Variants in SPATS2 observed in about 807,000 individuals in gnomAD.
SPATS2 encodes spermatogenesis-associated serine-rich protein 2.
Under a neutral mutation model 63.7 loss-of-function variants are expected in SPATS2, and 38 were observed. The observed-to-expected ratio is 0.60, with a 90% CI of 0.46 to 0.78. SPATS2 has a LOEUF of 0.78. Among genes scored for constraint, SPATS2 ranks in the 30% least tolerant of loss-of-function variants. The probability of loss-of-function intolerance (pLI) is 0.00; values close to 1 mark genes in which losing one functional copy is unlikely to be tolerated. For missense variants in SPATS2, 588 were observed against 666.2 expected (o/e 0.88, Z 1.29); for synonymous variants, 207 against 232.9 (o/e 0.89, Z 1.01).
chr12:49,483,771 G>GT (rs1946245292), intron 3 of SPATS2, among the ~76,000 whole-genome samples: 1 of 149,792 alleles, frequency 6.7e-6, no homozygotes, highest in South Asian at 2.1e-4. Context: ...CAGTAATATT[G>GT]TTATCACCTG....
intron 2 of SPATS2, among the ~76,000 whole-genome samples, chr12:49,414,277 C>T (rs1742526792): frequency 1.3e-5 from 2 of 152,114 alleles, no homozygotes; most frequent in Admixed American, 6.5e-5. Flanking sequence ...ACATGTAGAG[C>T]TTAGGTTTCC....
chr12:49,520,687 T>C (rs1160099302), intron 11 of SPATS2, among the ~76,000 whole-genome samples: 1 of 152,212 alleles, frequency 6.6e-6, no homozygotes, highest in Non-Finnish European at 1.5e-5. Flanking sequence ...TTATAATCTA[T>C]TTATAACAAT....
At chr12:49,395,439 T>A (rs1944492060) in intron 2 of SPATS2, among the ~76,000 whole-genome samples, 1 of 151,978 alleles carries the variant, frequency 6.6e-6, no homozygotes, top group Admixed American at 6.6e-5. Context: ...TTTTTTTTTT[T>A]TTTGAGACAG....
chr12:49,426,726 G>T (rs1945083327), intron 2 of SPATS2, among the ~76,000 whole-genome samples: 1 of 152,068 alleles, frequency 6.6e-6, no homozygotes, highest in Admixed American at 6.6e-5. Context: ...TGTATTTTTA[G>T]TACAGACGGG....
At chr12:49,411,952 T>G (rs1344173770) in intron 2 of SPATS2, among the ~76,000 whole-genome samples, 1 of 152,178 alleles carries the variant, frequency 6.6e-6, no homozygotes, top group Non-Finnish European at 1.5e-5. Flanking sequence ...CTAAGAGAGC[T>G]AGAACATTAA....
chr12:49,381,249 T>A (rs1195731705), intron 2 of SPATS2, among the ~76,000 whole-genome samples: 1 of 152,230 alleles, frequency 6.6e-6, no homozygotes, highest in Non-Finnish European at 1.5e-5. Flanking sequence ...GTCTTTTTGT[T>A]GAGTTATAAC....
intron 9 of SPATS2, among the ~76,000 whole-genome samples, chr12:49,504,594 A>C (rs1285548683): frequency 6.6e-6 from 1 of 152,140 alleles, no homozygotes; most frequent in Non-Finnish European, 1.5e-5. Context: ...TGAAAGTCAA[A>C]AGGTATTTTT....
At chr12:49,485,818 G>A (rs1482679492) in intron 4 of SPATS2, among the ~76,000 whole-genome samples, 1 of 143,666 alleles carries the variant, frequency 7.0e-6, no homozygotes, top group Non-Finnish European at 1.5e-5. Flanking sequence ...GGAGTGCAGT[G>A]ACGCAGTCTC....
chr12:49,434,979 T>C (rs1945247667), intron 2 of SPATS2, among the ~76,000 whole-genome samples: 2 of 151,822 alleles, frequency 1.3e-5, no homozygotes, highest in African/African-American at 4.8e-5. Context: ...AATATAGTAT[T>C]ACATACATTT....
At chr12:49,486,183 C>T in intron 4 of SPATS2, 2 of 448,796 alleles carry the variant, frequency 4.5e-6, no homozygotes, top group South Asian at 1.6e-5. Flanking sequence ...AGTTTGGTGC[C>T]TTTTGTTGTT....
At chr12:49,474,725 C>A (rs781337894) in intron 3 of SPATS2, among the ~76,000 whole-genome samples, 11 of 152,084 alleles carry the variant, frequency 7.2e-5, no homozygotes, top group Non-Finnish European at 1.5e-4. Flanking sequence ...CTATCACTGG[C>A]AGAATAGATA....
chr12:49,427,812 ATGTC>A (rs1945107399), intron 2 of SPATS2, among the ~76,000 whole-genome samples: 1 of 152,148 alleles, frequency 6.6e-6, no homozygotes, highest in South Asian at 2.1e-4. Context: ...TATAATTTTA[ATGTC>A]TGTAAGATCT....
At chr12:49,418,114 T>G (rs1170631939) in intron 2 of SPATS2, among the ~76,000 whole-genome samples, 1 of 139,284 alleles carries the variant, frequency 7.2e-6, no homozygotes, top group Non-Finnish European at 1.5e-5. Flanking sequence ...CTCAGTTTTT[T>G]TTTTTTTTTT....
intron 3 of SPATS2, among the ~76,000 whole-genome samples, chr12:49,465,216 T>A (rs1945891293): frequency 6.6e-6 from 1 of 152,226 alleles, no homozygotes. Flanking sequence ...GCATTTCTCT[T>A]GTGGAGGTAC....
At chr12:49,516,229 T>G (rs1946849158) in intron 10 of SPATS2, among the ~76,000 whole-genome samples, 1 of 126,218 alleles carries the variant, frequency 7.9e-6, no homozygotes, top group South Asian at 2.8e-4. Context: ...TGGGGTCATG[T>G]GCTACATGTA....
At chr12:49,394,773 A>C (rs888401303) in intron 2 of SPATS2, among the ~76,000 whole-genome samples, 3 of 152,122 alleles carry the variant, frequency 2.0e-5, no homozygotes, top group Non-Finnish European at 2.9e-5. Context: ...GTCATCTATG[A>C]ATAAAGACAA....
At chr12:49,440,207 T>C (rs984824832) in intron 2 of SPATS2, among the ~76,000 whole-genome samples, 2 of 152,202 alleles carry the variant, frequency 1.3e-5, no homozygotes, top group Non-Finnish European at 2.9e-5. Context: ...TATTGCAGCA[T>C]GTATTTCCTA....
In SPATS2 at chr12:49,526,019, G is replaced by A. The variant is rs183219167; in HGVS notation, c.1402G>A (p.Gly468Arg). 6.2e-7 allele frequency: 1 copy of A among 1,614,260 alleles called. No homozygotes were observed. Among genetic ancestry groups the A allele is most frequent in the East Asian group, 2.2e-5 (1 of 44,888 alleles). The part of the protein sequence containing the change: ...GQKSNDPMNQ[G>R]RHDSMGRYRN... ...AAAGTCCAATGACCCCATGAACCAAGGGCGGCATGACAGTATGGGTCGTTA... is the reference window on the plus strand; with the variant it reads ...AAAGTCCAATGACCCCATGAACCAAAGGCGGCATGACAGTATGGGTCGTTA... The change falls in exon 14 of 14, where the codon GGG (glycine) becomes AGG (arginine). Residue 468 changes from glycine to arginine, a missense_variant. Coordinates refer to ENST00000552918, the MANE Select transcript of SPATS2 (RefSeq NM_023071.4).
intron 1 of SPATS2, among the ~76,000 whole-genome samples, chr12:49,368,580 TTG>T (rs1943944105): frequency 6.6e-6 from 1 of 152,228 alleles, no homozygotes; most frequent in African/African-American, 2.4e-5. Context: ...GCTACTGGTT[TTG>T]TGTTTGTGGG....
Sources: gnomAD v4.1 joint callset for allele counts (sites outside exome capture counted in the v4.1 genomes callset) on GRCh38, gnomAD v4.1.1 for gene constraint, MANE v1.5 for transcripts, NCBI Gene and HGNC (gene_info 2026-07-23, HGNC 2026-07-21) for gene names.